INSL6: variants seen among roughly 807,000 people sequenced by gnomAD.
INSL6 encodes insulin-like peptide INSL6.
Under a neutral mutation model 9.4 loss-of-function variants are expected in INSL6, and 16 were observed. That is an observed-to-expected ratio of 1.70 (90% CI 1.15 to 2.59). The LOEUF (loss-of-function observed/expected upper bound fraction) is 2.59, where lower values mean the gene tolerates loss of function less well. Among genes scored for constraint, INSL6 ranks in the 30% most tolerant of loss-of-function variants. INSL6 has a pLI of 0.00. For missense variants in INSL6, 391 were observed against 257.3 expected (o/e 1.52, Z -3.56); for synonymous variants, 154 against 96.9 (o/e 1.59, Z -3.46).
the INSL6 span, among the ~76,000 whole-genome samples, chr9:5,107,602 C>T: frequency 3.9e-5 from 6 of 152,054 alleles, no homozygotes; most frequent in Non-Finnish European, 7.4e-5. Context: ...GAAATGATTT[C>T]GATTCATTAG....
chr9:5,008,690 G>C, the INSL6 span, among the ~76,000 whole-genome samples: 1 of 152,106 alleles, frequency 6.6e-6, no homozygotes, highest in African/African-American at 2.4e-5. Context: ...TGGATCCTTT[G>C]CTTTGATTTG....
chr9:5,106,898 G>A, the INSL6 span, among the ~76,000 whole-genome samples: 1 of 152,044 alleles, frequency 6.6e-6, no homozygotes, highest in Non-Finnish European at 1.5e-5. Flanking sequence ...GGGGCCCGGG[G>A]GAGGGATAGC....
chr9:5,116,926 T>C, the INSL6 span, among the ~76,000 whole-genome samples: 1 of 152,226 alleles, frequency 6.6e-6, no homozygotes, highest in African/African-American at 2.4e-5. Context: ...GTACAAATAA[T>C]TCAGCTGAAG....
At chr9:5,031,781 G>A in the INSL6 span, among the ~76,000 whole-genome samples, 3 of 152,312 alleles carry the variant, frequency 2.0e-5, no homozygotes. Flanking sequence ...GGAGGGTGGA[G>A]CCAAGATGAC....
downstream of INSL6, among the ~76,000 whole-genome samples, chr9:5,123,335 T>C (rs146173960): frequency 2.6e-5 from 4 of 152,076 alleles, no homozygotes; most frequent in African/African-American, 9.6e-5. Context: ...CAAGTCTCTA[T>C]TGTCTATCAT....
intron 2 of INSL6, among the ~76,000 whole-genome samples, chr9:5,152,581 G>C (rs1303422554): frequency 6.6e-6 from 1 of 152,052 alleles, no homozygotes; most frequent in Non-Finnish European, 1.5e-5. Flanking sequence ...TATTTAAAAA[G>C]AAGCGTCTAA....
the INSL6 span, chr9:5,041,737 C>T: frequency 4.1e-6 from 2 of 492,264 alleles, no homozygotes; most frequent in Admixed American, 4.6e-5. Context: ...AAGCCCTTGG[C>T]GACCCCCATC....
At chr9:5,086,637 T>C in the INSL6 span, among the ~76,000 whole-genome samples, 58 of 152,344 alleles carry the variant, frequency 3.8e-4, no homozygotes, top group Admixed American at 7.8e-4. Flanking sequence ...GTTATGATTA[T>C]GTTAAATGAG....
chr9:5,149,084 T>C (rs971251860), intron 2 of INSL6, among the ~76,000 whole-genome samples: 15 of 152,216 alleles, frequency 9.9e-5, no homozygotes, highest in African/African-American at 3.4e-4. Flanking sequence ...TCCCTAGCTC[T>C]GAGCTTGCTT....
At chr9:5,090,602 G>A in the INSL6 span, 66 of 1,549,872 alleles carry the variant, frequency 4.3e-5, no homozygotes, top group East Asian at 1.5e-3. Context: ...TGCTGTAGAT[G>A]AAGCAACCGT....
chr9:4,997,103 A>G, the INSL6 span, among the ~76,000 whole-genome samples: 3 of 148,568 alleles, frequency 2.0e-5, no homozygotes, highest in Non-Finnish European at 3.0e-5. Context: ...TAATTTTTAT[A>G]TTTTTTTTTG....
At chr9:4,998,507 G>T in the INSL6 span, among the ~76,000 whole-genome samples, 3 of 152,046 alleles carry the variant, frequency 2.0e-5, no homozygotes, top group African/African-American at 7.2e-5. Context: ...CGCCCGCCTT[G>T]GCCTCCCAAA....
At chr9:5,056,395 C>T in the INSL6 span, among the ~76,000 whole-genome samples, 1 of 151,976 alleles carries the variant, frequency 6.6e-6, no homozygotes, top group African/African-American at 2.4e-5. Context: ...AACTCAGATG[C>T]TTCTTGACCC....
the INSL6 span, among the ~76,000 whole-genome samples, chr9:5,026,234 T>A: frequency 6.6e-6 from 1 of 152,208 alleles, no homozygotes; most frequent in Non-Finnish European, 1.5e-5. Context: ...ACCTTAGTTG[T>A]ATTCCACAAT....
At chr9:5,035,637 T>G in the INSL6 span, among the ~76,000 whole-genome samples, 1 of 152,200 alleles carries the variant, frequency 6.6e-6, no homozygotes, top group Non-Finnish European at 1.5e-5. Context: ...AAAAACCATA[T>G]GATTATCTCA....
chr9:5,022,032 C>T, the INSL6 span: 34 of 1,613,984 alleles, frequency 2.1e-5, no homozygotes, highest in Non-Finnish European at 2.9e-5. Context: ...AGGGAACATC[C>T]ACCTCTTCTA....
At chr9:5,073,015 C>G in the INSL6 span, among the ~76,000 whole-genome samples, 1 of 152,132 alleles carries the variant, frequency 6.6e-6, no homozygotes, top group Non-Finnish European at 1.5e-5. Flanking sequence ...TTAGTGAAAT[C>G]TAGATGCCTC....
downstream of INSL6, among the ~76,000 whole-genome samples, chr9:5,121,065 G>C (rs1489410087): frequency 6.6e-6 from 1 of 152,150 alleles, no homozygotes; most frequent in African/African-American, 2.4e-5. Context: ...GAATAAATCT[G>C]ATGAAGAGAC....
At chr9:5,168,603 T>G (rs1825108793) in intron 1 of INSL6, among the ~76,000 whole-genome samples, 1 of 151,316 alleles carries the variant, frequency 6.6e-6, no homozygotes, top group African/African-American at 2.4e-5. Flanking sequence ...AACCTATGAC[T>G]AATAGGGGCA....
Sources: gnomAD v4.1 joint callset for allele counts (sites outside exome capture counted in the v4.1 genomes callset) on GRCh38, gnomAD v4.1.1 for gene constraint, MANE v1.5 for transcripts, NCBI Gene and HGNC (gene_info 2026-07-23, HGNC 2026-07-21) for gene names.